Variants in PIK3CG observed in about 807,000 individuals in gnomAD.
PIK3CG encodes the protein phosphatidylinositol-4,5-bisphosphate 3-kinase catalytic subunit gamma.
In PIK3CG, 55 loss-of-function variants were observed where a neutral mutation model predicts 102.3. The observed-to-expected ratio is 0.54, with a 90% CI of 0.43 to 0.67. PIK3CG has a LOEUF of 0.67. PIK3CG is among the 30% of genes least tolerant of loss of function. PIK3CG has a pLI of 0.00. For missense variants in PIK3CG, 1,258 were observed against 1,391.8 expected, an observed-to-expected ratio of 0.90 and a Z score of 1.53; for synonymous variants, 552 against 540.0, an observed-to-expected ratio of 1.02 and a Z score of -0.31.
At chr7:106,875,613 A>C (rs2116503837) in intron 5 of PIK3CG, among the ~76,000 whole-genome samples, 1 of 152,240 alleles carries the variant, frequency 6.6e-6, no homozygotes, top group Admixed American at 6.5e-5. Flanking sequence ...TATCTGAATT[A>C]TTTTACTTTC....
In PIK3CG at chr7:106,895,633, C is replaced by G. The variant is rs1330167739; in HGVS notation, c.3030+9341C>G. Among the ~76,000 whole-genome samples the G allele has an allele frequency of 1.3e-5, 2 of 152,178 alleles. No homozygotes were observed. The highest frequency in any genetic ancestry group is 2.9e-5 in the Non-Finnish European group (2 of 68,032). On this transcript the variant is annotated intron_variant, in intron 10 of 10. Coordinates refer to ENST00000496166, the MANE Select transcript of PIK3CG (RefSeq NM_001282426.2). This position sits in a 1 kb window ranked among gnomAD's most constrained non-coding sequence, Gnocchi z 5.4. Reference sequence around the variant, plus strand: ...ACCTACCTCACCCCCTAGGCCTTTACTAAGAGACCTTGTGGGCAGATGGTC... The same window carrying G: ...ACCTACCTCACCCCCTAGGCCTTTAGTAAGAGACCTTGTGGGCAGATGGTC...
chr7:106,878,231 T>A (rs889136667), intron 5 of PIK3CG, among the ~76,000 whole-genome samples: 1 of 152,216 alleles, frequency 6.6e-6, no homozygotes, highest in Non-Finnish European at 1.5e-5. Flanking sequence ...ATGATGAGTC[T>A]TATCTTTGAT....
chr7:106,904,587 A>G (rs1791641484), intron 10 of PIK3CG, among the ~76,000 whole-genome samples: 2 of 152,236 alleles, frequency 1.3e-5, no homozygotes, highest in Non-Finnish European at 2.9e-5. Flanking sequence ...TTCAAAGTTC[A>G]TTTAACAATT....
chr7:106,867,788 T>C lies in PIK3CG; in HGVS notation c.227T>C (p.Leu76Pro). Residue 76 changes from leucine to proline, a missense_variant, in exon 2 of 11, where the codon CTG (leucine) becomes CCG (proline). Physicochemically the swap from Leu to Pro is moderately conservative, Grantham distance 98. Transcript: ENST00000496166. This position sits in a 1 kb window ranked among gnomAD's most constrained non-coding sequence, Gnocchi z 5.1. ...GAGCAGATGAAGGCCCAGGTGTGGC[T>C]GCGAGCGCTGGAGACCAGCGTGGCG... ...NVEQMKAQVW[L>P]RALETSVAAD... 1.2e-6 allele frequency: 2 copies of C among 1,612,766 alleles called. No individual in the cohort carries two copies. The highest frequency in any genetic ancestry group is 1.7e-6 in the Non-Finnish European group (2 of 1,179,922).
Position 106,897,429 on chromosome 7 carries a change from A to T in PIK3CG, c.3031-7680A>T, listed in dbSNP as rs1430280981. Among the ~76,000 whole-genome samples the T allele has an allele frequency of 6.6e-6, 1 of 152,222 alleles. No individual in the cohort carries two copies. The highest frequency in any genetic ancestry group is 1.9e-4 in the East Asian group (1 of 5,206). On this transcript the variant is annotated intron_variant, in intron 10 of 10. Transcript: ENST00000496166. This position sits in a 1 kb window ranked among gnomAD's most constrained non-coding sequence, Gnocchi z 4.6. ...GGGTACATGTGAAAGTTTGTTACAT[A>T]GGTAAACACATGTCACAGGGGTTTG...
rs6150272 is a variant in PIK3CG, at chr7:106,907,764, T to TAACATATATATGCTAATATATATA, written c.*2378_*2401dup. On this transcript the variant is annotated 3_prime_UTR_variant, in exon 11 of 11. Transcript: ENST00000496166. ...TAACATATATATGCTAATATATATATAACATATATATGCTAATATATATAT... is the reference window on the plus strand; with the variant it reads ...TAACATATATATGCTAATATATATATAACATATATATGCTAATATATATAAACATATATATGCTAATATATATAT... Among the ~76,000 whole-genome samples, 31,170 of 145,802 alleles carry TAACATATATATGCTAATATATATA rather than the reference T, an allele frequency of 0.21. 3,863 individuals are homozygous for TAACATATATATGCTAATATATATA. The highest frequency in any genetic ancestry group is 0.32 in the East Asian group (1,597 of 5,016).
Position 106,892,682 on chromosome 7 carries a change from CAAGAAATACCTTGT to C in PIK3CG, c.3030+6391_3030+6404del, listed in dbSNP as rs1393515361. Reference sequence around the variant, plus strand: ...GAAAGCTACTTACACAACTTTGTGCCAAGAAATACCTTGTGCTAAGAGTGTCCACAGTGGTTTGC... The same window carrying C: ...GAAAGCTACTTACACAACTTTGTGCCGCTAAGAGTGTCCACAGTGGTTTGC... On this transcript the variant is annotated intron_variant, in intron 10 of 10. Transcript: ENST00000496166. The surrounding 1 kb of genome is among the most constrained non-coding windows in gnomAD (Gnocchi z 5.2). Among the ~76,000 whole-genome samples, 4 of 152,196 alleles carry C rather than the reference CAAGAAATACCTTGT, an allele frequency of 2.6e-5. No homozygotes were observed. Among genetic ancestry groups the C allele is most frequent in the Non-Finnish European group, 5.9e-5 (4 of 68,036 alleles).
intron 5 of PIK3CG, among the ~76,000 whole-genome samples, chr7:106,876,916 G>A (rs1285028301): frequency 6.6e-6 from 1 of 152,094 alleles, no homozygotes; most frequent in East Asian, 1.9e-4. Context: ...AATCTGTCTA[G>A]GACTAGCACA....
Position 106,891,642 on chromosome 7 carries a change from T to C in PIK3CG, c.3030+5350T>C, listed in dbSNP as rs1791266993. 6.6e-6 allele frequency among the ~76,000 whole-genome samples: 1 copy of C among 152,126 alleles called. No homozygotes were observed. The highest frequency in any genetic ancestry group is 1.5e-5 in the Non-Finnish European group (1 of 68,028). ...CAGTAGGCACCAAGCAAATCTGAAG[T>C]CATCAGGGGAGCCAAATAACACATC... is the stretch of plus-strand genomic sequence containing the variant. On this transcript the variant is annotated intron_variant, in intron 10 of 10. Coordinates refer to ENST00000496166, the MANE Select transcript of PIK3CG (RefSeq NM_001282426.2). The surrounding 1 kb of genome is among the most constrained non-coding windows in gnomAD (Gnocchi z 4.4).
intron 2 of PIK3CG, among the ~76,000 whole-genome samples, chr7:106,871,600 A>C (rs1352616541): frequency 6.6e-6 from 1 of 152,214 alleles, no homozygotes; most frequent in East Asian, 1.9e-4. Context: ...TTTAATATTA[A>C]GTCTTTCTTC....
Position 106,882,932 on chromosome 7 carries a change from A to AC in PIK3CG, c.2630-101_2630-100insC, listed in dbSNP as rs1790985453. 1.1e-5 allele frequency: 11 copies of AC among 982,466 alleles called. No homozygotes were observed. In the Middle Eastern group the frequency reaches 8.5e-4, roughly 76 times the overall value. The allele number at this position is 982,466 out of a possible 1,614,324, so 60.9% of individuals were successfully genotyped here. A position where few individuals can be genotyped will look rare whatever the true frequency, so the allele number is the denominator to read the frequency against. On this transcript the variant is annotated intron_variant, in intron 7 of 10. Transcript: ENST00000496166. The stretch of plus-strand genomic sequence containing the variant: ...GCTCTCTGGTCAAAAAAAAAAAAAA[A>AC]AAAAACCCTCTGCCCTTCACTCAAC...
chr7:106,875,377 T>C (rs115150350), intron 5 of PIK3CG, among the ~76,000 whole-genome samples: 12,583 of 133,636 alleles, frequency 0.094, 754 homozygotes, highest in South Asian at 0.24. Context: ...AAAAAAAAAG[T>C]AGAATTCAGT....
In PIK3CG at chr7:106,903,743, ATTTT is replaced by A. The variant is rs3074768; in HGVS notation, c.3031-1361_3031-1358del. Among the ~76,000 whole-genome samples, 138,363 of 151,254 alleles carry A rather than the reference ATTTT, an allele frequency of 0.91. 63,497 individuals are homozygous for A. Among genetic ancestry groups the A allele is most frequent in the East Asian group, 1 (5,147 of 5,170 alleles). ...AGTTTTCCTTCACTTTTCTGATTTTATTTTTTTTATTTATTTATTTATTTATTTA... is the reference window on the plus strand; with the variant it reads ...AGTTTTCCTTCACTTTTCTGATTTTATTTTATTTATTTATTTATTTATTTA... On this transcript the variant is annotated intron_variant, in intron 10 of 10. Coordinates refer to ENST00000496166, the MANE Select transcript of PIK3CG (RefSeq NM_001282426.2). The surrounding 1 kb of genome is among the most constrained non-coding windows in gnomAD (Gnocchi z 4.3).
In PIK3CG at chr7:106,903,839, A is replaced by T. The variant is rs1336147717; in HGVS notation, c.3031-1270A>T. On this transcript the variant is annotated intron_variant, in intron 10 of 10. Coordinates refer to ENST00000496166, the MANE Select transcript of PIK3CG (RefSeq NM_001282426.2). This position sits in a 1 kb window ranked among gnomAD's most constrained non-coding sequence, Gnocchi z 4.3. ...AGTGGAGTGATCTCAGCTCACTGCA[A>T]CCTCTACCTCCCAGGTTCAAGCAAT... 6.6e-6 allele frequency among the ~76,000 whole-genome samples: 1 copy of T among 151,868 alleles called. No individual in the cohort carries two copies. The highest frequency in any genetic ancestry group is 1.9e-4 in the East Asian group (1 of 5,192).
rs572390163 is a variant in PIK3CG, at chr7:106,902,002, T to G, written c.3031-3107T>G. On this transcript the variant is annotated intron_variant, in intron 10 of 10. Transcript: ENST00000496166. The surrounding 1 kb of genome is among the most constrained non-coding windows in gnomAD (Gnocchi z 4.3). ...GTGGGTTTCTCTCCCCCTTGAGTGC[T>G]GTCTGTAGATCATGACTTGGCACTC... Among the ~76,000 whole-genome samples, 3 of 152,322 alleles carry G rather than the reference T, an allele frequency of 2.0e-5. No homozygotes were observed. Among genetic ancestry groups the G allele is most frequent in the South Asian group, 4.1e-4 (2 of 4,826 alleles).
intron 10 of PIK3CG, among the ~76,000 whole-genome samples, chr7:106,896,548 T>C (rs1336529009): frequency 2.6e-5 from 4 of 152,150 alleles, no homozygotes; most frequent in Non-Finnish European, 5.9e-5. Context: ...CAGTGGGTCC[T>C]ACGGATGAGC....
rs1259389317 is a variant in PIK3CG, at chr7:106,908,542, C to T, written c.*3155C>T. Among the ~76,000 whole-genome samples, 1 of 152,170 alleles carries T rather than the reference C, an allele frequency of 6.6e-6. No homozygotes were observed. The highest frequency in any genetic ancestry group is 1.9e-4 in the East Asian group (1 of 5,190). On this transcript the variant is annotated 3_prime_UTR_variant, in exon 11 of 11. Transcript: ENST00000496166. This position sits in a 1 kb window ranked among gnomAD's most constrained non-coding sequence, Gnocchi z 4.1. ...AGCCCCACAGGACTGCATTTAGCTGCTTCAGTGACACTTTGATGAAAGTAT... is the reference window on the plus strand; with the variant it reads ...AGCCCCACAGGACTGCATTTAGCTGTTTCAGTGACACTTTGATGAAAGTAT...
chr7:106,868,696 C>T lies in PIK3CG; in HGVS notation c.1135C>T (p.Leu379Phe), dbSNP rs1790415775. The T allele has an allele frequency of 1.2e-6, 2 of 1,614,236 alleles. No homozygotes were observed. The highest frequency in any genetic ancestry group is 1.7e-6 in the Non-Finnish European group (2 of 1,180,044). The change falls in exon 2 of 11, where the codon CTC (leucine) becomes TTC (phenylalanine). Residue 379 changes from leucine to phenylalanine, a missense_variant. Physicochemically the swap from Leu to Phe is conservative, Grantham distance 22. Coordinates refer to ENST00000496166, the MANE Select transcript of PIK3CG (RefSeq NM_001282426.2). The surrounding 1 kb of genome is among the most constrained non-coding windows in gnomAD (Gnocchi z 6.2). ...CCCCGTCCTGCCTCGGAACACCGAC[C>T]TCACAGTTTTTGTAGAGGCAAACAT... ...DIPVLPRNTD[L>F]TVFVEANIQH...
Position 106,884,084 on chromosome 7 carries a change from G to A in PIK3CG, c.2761-71G>A. 8.8e-7 allele frequency: 1 copy of A among 1,140,962 alleles called. No individual in the cohort carries two copies. The highest frequency in any genetic ancestry group is 1.3e-6 in the Non-Finnish European group (1 of 765,906). 70.7% of individuals were successfully genotyped at this position (1,140,962 alleles called of 1,614,324 possible). A position where few individuals can be genotyped will look rare whatever the true frequency, so the allele number is the denominator to read the frequency against. ...TGGTTTCCAGAATATTCTCTTTTTA[G>A]AAGTCATTTGTAGATTCATGATGCT... On this transcript the variant is annotated intron_variant, in intron 8 of 10. Coordinates refer to ENST00000496166, the MANE Select transcript of PIK3CG (RefSeq NM_001282426.2). The surrounding 1 kb of genome is among the most constrained non-coding windows in gnomAD (Gnocchi z 4.2).
Sources: gnomAD v4.1 joint callset for allele counts (sites outside exome capture counted in the v4.1 genomes callset) on GRCh38, gnomAD v4.1.1 for gene constraint, Gnocchi (gnomAD v3.1) non-coding constraint, MANE v1.5 for transcripts, NCBI Gene and HGNC (gene_info 2026-07-23, HGNC 2026-07-21) for gene names.